RAB31: variants seen among roughly 807,000 people sequenced by gnomAD.
RAB31 encodes ras-related protein Rab-31.
Under a neutral mutation model 25.6 loss-of-function variants are expected in RAB31, and 21 were observed. The observed-to-expected ratio is 0.82, with a 90% CI of 0.58 to 1.18. The LOEUF is 1.18. RAB31 is among the 50% of genes most tolerant of loss of function. RAB31 has a pLI of 0.00. For synonymous variants in RAB31, 87 were observed against 84.0 expected (o/e 1.04, Z -0.20); for missense variants, 196 against 250.1 (o/e 0.78, Z 1.46).
intron 2 of RAB31, among the ~76,000 whole-genome samples, chr18:9,778,511 C>T (rs1370828516): frequency 6.6e-6 from 1 of 152,194 alleles, no homozygotes; most frequent in Non-Finnish European, 1.5e-5. Context: ...TGCTCTGTCA[C>T]CTAGGCTGGA....
intron 5 of RAB31, among the ~76,000 whole-genome samples, chr18:9,833,635 G>T (rs2068690222): frequency 6.6e-6 from 1 of 152,112 alleles, no homozygotes; most frequent in African/African-American, 2.4e-5. Flanking sequence ...TTTAATTCTG[G>T]CACATACACG....
intron 1 of RAB31, chr18:9,757,982 T>C (rs2068268336): frequency 6.6e-6 from 1 of 152,276 alleles, no homozygotes; most frequent in African/African-American, 2.4e-5. Context: ...ACCTTGATGT[T>C]ATCGTACTTA....
At chr18:9,781,969 T>C (rs749463047) in intron 2 of RAB31, among the ~76,000 whole-genome samples, 1 of 152,210 alleles carries the variant, frequency 6.6e-6, no homozygotes, top group Non-Finnish European at 1.5e-5. Flanking sequence ...TTTAAGCCAA[T>C]AGAGAATCAG....
intron 5 of RAB31, among the ~76,000 whole-genome samples, chr18:9,825,786 C>T (rs1027632434): frequency 2.6e-5 from 4 of 152,346 alleles, no homozygotes; most frequent in African/African-American, 7.2e-5. Flanking sequence ...AATGACTCAT[C>T]ATCTTTCAGG....
rs1003563710 is a variant in RAB31 at position 9,766,275 on chromosome 18, G to T, written c.40-9003G>T. 6.6e-6 allele frequency among the ~76,000 whole-genome samples: 1 copy of T among 152,170 alleles called. No individual in the cohort carries two copies. Among genetic ancestry groups the T allele is most frequent in the African/African-American group, 2.4e-5 (1 of 41,442 alleles). ...GAGGCACCCTCCTGCTCCAAGATGT[G>T]GAGGCGCCTTCCTGCGTGACCTCAT... On this transcript the variant is annotated intron_variant, in intron 1 of 6. Transcript: ENST00000578921. This position sits in a 1 kb window ranked among gnomAD's most constrained non-coding sequence, Gnocchi z 4.3.
At chr18:9,788,694 G>C (rs566332325) in intron 2 of RAB31, among the ~76,000 whole-genome samples, 1 of 152,324 alleles carries the variant, frequency 6.6e-6, no homozygotes, top group East Asian at 1.9e-4. Flanking sequence ...AGGCTGGCGT[G>C]GTGGCTCACA....
At chr18:9,849,012 A>G (rs592170) in intron 6 of RAB31, among the ~76,000 whole-genome samples, 90,171 of 151,972 alleles carry the variant, frequency 0.59, 26,736 homozygotes, top group South Asian at 0.72. Flanking sequence ...CTCATATAAT[A>G]TATTGTCGTC....
intron 5 of RAB31, among the ~76,000 whole-genome samples, chr18:9,837,379 G>A (rs985700509): frequency 2.0e-5 from 3 of 152,090 alleles, no homozygotes; most frequent in African/African-American, 7.2e-5. Flanking sequence ...ACTTACAGAA[G>A]ACAAATAATT....
intron 1 of RAB31, among the ~76,000 whole-genome samples, chr18:9,744,348 G>A (rs924891873): frequency 6.6e-6 from 1 of 152,158 alleles, no homozygotes; most frequent in African/African-American, 2.4e-5. Flanking sequence ...CAAGCCGTAG[G>A]AAAAGCAAAG....
At chr18:9,806,879 TG>T (rs770413674) in intron 3 of RAB31, among the ~76,000 whole-genome samples, 10 of 152,218 alleles carry the variant, frequency 6.6e-5, no homozygotes, top group Non-Finnish European at 1.5e-4. Context: ...TCTCTCTTCT[TG>T]TGGATATGCT....
chr18:9,796,177 A>G (rs12960516), intron 3 of RAB31, among the ~76,000 whole-genome samples: 21,744 of 152,226 alleles, frequency 0.14, 1,948 homozygotes, highest in Middle Eastern at 0.25. Flanking sequence ...GAGCTAAGCT[A>G]TGAGGACACA....
chr18:9,742,515 C>T (rs1003313173), intron 1 of RAB31, among the ~76,000 whole-genome samples: 15 of 152,172 alleles, frequency 9.9e-5, no homozygotes, highest in African/African-American at 3.6e-4. Flanking sequence ...GGACGTTCTA[C>T]GTGTTTTCTT....
At chr18:9,831,079 C>T (rs987780183) in intron 5 of RAB31, among the ~76,000 whole-genome samples, 2 of 152,170 alleles carry the variant, frequency 1.3e-5, no homozygotes, top group Admixed American at 6.5e-5. Flanking sequence ...AACTTAATTA[C>T]GATACCTTTA....
At chr18:9,733,488 C>G (rs1029340111) in intron 1 of RAB31, among the ~76,000 whole-genome samples, 1 of 152,180 alleles carries the variant, frequency 6.6e-6, no homozygotes, top group African/African-American at 2.4e-5. Context: ...GCTGTCCCAC[C>G]CTTCAGTGTC....
At chr18:9,786,316 C>G (rs1599037962) in intron 2 of RAB31, among the ~76,000 whole-genome samples, 2 of 152,378 alleles carry the variant, frequency 1.3e-5, no homozygotes, top group African/African-American at 2.4e-5. Flanking sequence ...TGTCTGCTTA[C>G]CTTGCCCTAA....
chr18:9,720,530 G>A (rs982671348), intron 1 of RAB31, among the ~76,000 whole-genome samples: 1 of 152,040 alleles, frequency 6.6e-6, no homozygotes, highest in East Asian at 1.9e-4. Context: ...GGTGAGGTGC[G>A]GAGGGGGCGT....
chr18:9,798,328 C>T (rs544256186), intron 3 of RAB31, among the ~76,000 whole-genome samples: 2,845 of 152,270 alleles, frequency 0.019, 99 homozygotes, highest in African/African-American at 0.065. Flanking sequence ...TCTTGCATCT[C>T]TCCAGTAATG....
intron 1 of RAB31, among the ~76,000 whole-genome samples, chr18:9,763,145 A>C (rs1171857190): frequency 6.6e-6 from 1 of 152,216 alleles, no homozygotes; most frequent in Non-Finnish European, 1.5e-5. Flanking sequence ...TGTTCTTTTT[A>C]AACCTTCATC....
intron 1 of RAB31, among the ~76,000 whole-genome samples, chr18:9,741,211 A>T (rs2068177025): frequency 6.6e-6 from 1 of 151,858 alleles, no homozygotes; most frequent in Non-Finnish European, 1.5e-5. Context: ...CTCCGTCTCC[A>T]CTAAAAGCAC....
Sources: allele counts gnomAD v4.1 joint callset (sites outside exome capture counted in the v4.1 genomes callset), GRCh38; gene constraint gnomAD v4.1.1; non-coding constraint Gnocchi (gnomAD v3.1); transcripts MANE v1.5; gene names NCBI Gene and HGNC (gene_info 2026-07-23, HGNC 2026-07-21).